DSE: variants seen among roughly 807,000 people sequenced by gnomAD.
DSE encodes dermatan sulfate epimerase.
Under a neutral mutation model 84.4 loss-of-function variants are expected in DSE, and 36 were observed. That is an observed-to-expected ratio of 0.43 (90% CI 0.33 to 0.56). The LOEUF (loss-of-function observed/expected upper bound fraction) is 0.56. DSE is among the 20% of genes least tolerant of loss of function. DSE has a pLI of 0.06. For synonymous variants in DSE, 410 were observed against 430.1 expected (o/e 0.95, Z 0.58); for missense variants, 862 against 1,169.6 (o/e 0.74, Z 3.84).
At chr6:116,410,986 A>G (rs529761611) in intron 2 of DSE, among the ~76,000 whole-genome samples, 1 of 152,162 alleles carries the variant, frequency 6.6e-6, no homozygotes, top group East Asian at 1.9e-4. Context: ...GTGGGCTTCT[A>G]ATACTTGGAG....
chr6:116,296,534 G>C (rs1298195721), intron 2 of DSE, among the ~76,000 whole-genome samples: 1 of 152,188 alleles, frequency 6.6e-6, no homozygotes, highest in African/African-American at 2.4e-5. Context: ...AAGTGTGACT[G>C]GGGCTAAGGT....
chr6:116,271,917 C>T (rs1412715910), intron 2 of DSE, among the ~76,000 whole-genome samples: 1 of 152,162 alleles, frequency 6.6e-6, no homozygotes, highest in African/African-American at 2.4e-5. Flanking sequence ...CCTGTGTTAT[C>T]ACCCAACTCA....
At position 116,436,859 on chromosome 6, in the gene DSE, A is replaced by T; in HGVS notation, c.2391A>T (p.Ser797=). ...CCATTGACAGGATTTTTGCCATATC[A>T]CAGCAACAGCAGCAGCAAAGCAAGT... The part of the protein sequence containing the change: ...EEAIDRIFAI[S]QQQQQQSKSK... The change falls in exon 6 of 6, where the codon TCA becomes TCT. Residue 797 remains serine (S), a synonymous_variant. Transcript: ENST00000644252. 6.2e-7 allele frequency: 1 copy of T among 1,614,148 alleles called. No homozygotes were observed. Among genetic ancestry groups the T allele is most frequent in the African/African-American group, 1.3e-5 (1 of 75,046 alleles).
At chr6:116,340,691 A>G (rs1360795531) in intron 2 of DSE, among the ~76,000 whole-genome samples, 1 of 143,560 alleles carries the variant, frequency 7.0e-6, no homozygotes, top group Non-Finnish European at 1.5e-5. Flanking sequence ...CCCTGTGTCC[A>G]AGGGTTCTCA....
intron 2 of DSE, among the ~76,000 whole-genome samples, chr6:116,267,109 A>G (rs150174117): frequency 3.2e-3 from 484 of 152,372 alleles, no homozygotes; most frequent in Non-Finnish European, 4.4e-3. Flanking sequence ...ACAATTAGGT[A>G]CAGTACATAA....
chr6:116,262,226 TG>T (rs1772441969), intron 2 of DSE, among the ~76,000 whole-genome samples: 1 of 152,116 alleles, frequency 6.6e-6, no homozygotes, highest in South Asian at 2.1e-4. Context: ...TGTCTGGTCC[TG>T]GGGTTTCTGT....
chr6:116,295,621 T>C (rs1774614521), intron 2 of DSE, among the ~76,000 whole-genome samples: 3 of 152,274 alleles, frequency 2.0e-5, no homozygotes, highest in Admixed American at 2.0e-4. Context: ...CAATAATGTG[T>C]CTCCTGGAAA....
intron 2 of DSE, among the ~76,000 whole-genome samples, chr6:116,309,921 A>C (rs1245114162): frequency 1.3e-4 from 20 of 152,122 alleles, no homozygotes; most frequent in African/African-American, 4.8e-5. Flanking sequence ...TGTTGTATTG[A>C]GGATTAAGTT....
intron 2 of DSE, chr6:116,280,119 C>G (rs112809192): frequency 4.0e-6 from 2 of 497,616 alleles, no homozygotes; most frequent in Non-Finnish European, 7.6e-6. Context: ...AGTCTGGAAG[C>G]GCGGACGACC....
intron 2 of DSE, among the ~76,000 whole-genome samples, chr6:116,345,350 T>C (rs1224736772): frequency 6.6e-6 from 1 of 152,172 alleles, no homozygotes; most frequent in East Asian, 1.9e-4. Flanking sequence ...TATTCCAAAA[T>C]TGACCACATA....
chr6:116,330,629 C>G (rs1280487912), intron 2 of DSE, among the ~76,000 whole-genome samples: 1 of 151,948 alleles, frequency 6.6e-6, no homozygotes, highest in Non-Finnish European at 1.5e-5. Context: ...AAGAAAAATA[C>G]AAAAAATACA....
intron 2 of DSE, among the ~76,000 whole-genome samples, chr6:116,299,183 A>G (rs1269674153): frequency 6.6e-6 from 1 of 152,098 alleles, no homozygotes; most frequent in Non-Finnish European, 1.5e-5. Flanking sequence ...CAGTTTTCTG[A>G]TGTGACCTAG....
chr6:116,385,504 GA>G (rs1292996831), intron 1 of DSE, among the ~76,000 whole-genome samples: 1 of 151,880 alleles, frequency 6.6e-6, no homozygotes, highest in Non-Finnish European at 1.5e-5. Context: ...TTTGGATATG[GA>G]GAGTGAAATA....
intron 2 of DSE, among the ~76,000 whole-genome samples, chr6:116,415,527 CCTTTTTT>C (rs150281359): frequency 0.01 from 1,562 of 149,930 alleles, 35 homozygotes; most frequent in African/African-American, 0.035. Context: ...TTTTCTTCCC[CCTTTTTT>C]CTTTTTTCTT....
intron 2 of DSE, among the ~76,000 whole-genome samples, chr6:116,275,924 C>T (rs1477423556): frequency 1.3e-5 from 2 of 152,054 alleles, no homozygotes. Context: ...AAAATATAAT[C>T]TCTGTATTTT....
intron 3 of DSE, among the ~76,000 whole-genome samples, chr6:116,427,917 G>A (rs1028244238): frequency 3.3e-5 from 5 of 152,208 alleles, no homozygotes; most frequent in Non-Finnish European, 7.3e-5. Flanking sequence ...GGTCAGGCGT[G>A]GTGGCTCACA....
At chr6:116,378,148 A>G (rs1157840255) in intron 1 of DSE, among the ~76,000 whole-genome samples, 1 of 152,206 alleles carries the variant, frequency 6.6e-6, no homozygotes, top group Non-Finnish European at 1.5e-5. Flanking sequence ...CCTGAAGAAA[A>G]GAAGGGGGAA....
intron 2 of DSE, among the ~76,000 whole-genome samples, chr6:116,332,311 A>T (rs1417572778): frequency 1.3e-5 from 2 of 152,206 alleles, no homozygotes; most frequent in African/African-American, 2.4e-5. Context: ...CATTTTTAAA[A>T]TGTTAATTTT....
At chr6:116,287,380 G>C (rs896089950) in intron 2 of DSE, among the ~76,000 whole-genome samples, 1 of 151,656 alleles carries the variant, frequency 6.6e-6, no homozygotes, top group Non-Finnish European at 1.5e-5. Context: ...TTTTATTTCT[G>C]TCTAAAGCCT....
Sources: gnomAD v4.1 joint callset for allele counts (sites outside exome capture counted in the v4.1 genomes callset) on GRCh38, gnomAD v4.1.1 for gene constraint, MANE v1.5 for transcripts, NCBI Gene and HGNC (gene_info 2026-07-23, HGNC 2026-07-21) for gene names.